YIPF7: variants seen among roughly 807,000 people sequenced by gnomAD.
YIPF7 encodes the protein protein YIPF7.
In YIPF7, 35 loss-of-function variants were observed where a neutral mutation model predicts 27.2. That is an observed-to-expected ratio of 1.29 (90% confidence interval 0.98 to 1.70). The LOEUF (loss-of-function observed/expected upper bound fraction) is 1.70. Ranked by LOEUF, YIPF7 falls within the 40% of genes most tolerant of loss-of-function variation. The pLI is 0.00. For synonymous variants in YIPF7, 137 were observed against 110.4 expected (o/e 1.24, Z -1.51); for missense variants, 358 against 303.7 (o/e 1.18, Z -1.33).
chr4:44,646,656 T>C (rs1166497399), intron 2 of YIPF7, among the ~76,000 whole-genome samples: 1 of 152,202 alleles, frequency 6.6e-6, no homozygotes. Flanking sequence ...GATCCTACTG[T>C]TCATTCTAAA....
chr4:44,634,315 C>T (rs1337909980), intron 3 of YIPF7, among the ~76,000 whole-genome samples: 5 of 152,046 alleles, frequency 3.3e-5, no homozygotes, highest in Non-Finnish European at 7.4e-5. Flanking sequence ...GGTGGATCAC[C>T]CAAAGTCAGG....
intron 2 of YIPF7, among the ~76,000 whole-genome samples, chr4:44,638,394 G>A (rs1433444105): frequency 6.6e-6 from 1 of 151,898 alleles, no homozygotes; most frequent in African/African-American, 2.4e-5. Flanking sequence ...TCAAAAAGTA[G>A]GCTAAGGACA....
chr4:44,650,014 A>C lies in YIPF7; in HGVS notation c.87T>G (p.Asn29Lys). 6.3e-7 allele frequency: 1 copy of C among 1,582,450 alleles called. No individual in the cohort carries two copies. ...DNQEQSGNDSNAYGNLYGSRK... is the reference protein window; with the variant it reads ...DNQEQSGNDSKAYGNLYGSRK... ...TAGATCCATAAAGATTTCCATAGGCATTAGAGTCATTACCACTCTGCTCCT... is the reference window on the plus strand; with the variant it reads ...TAGATCCATAAAGATTTCCATAGGCCTTAGAGTCATTACCACTCTGCTCCT... The change falls in exon 2 of 6, where the codon AAT (asparagine) becomes AAG (lysine). Residue 29 changes from asparagine (N) to lysine (K), a missense_variant. Physicochemically the swap from Asn to Lys is moderately conservative, Grantham distance 94 (BLOSUM62 0). Coordinates refer to ENST00000415895, the MANE Select transcript of YIPF7 (RefSeq NM_182592.3).
At chr4:44,656,516 T>C (rs997254986), upstream of YIPF7, among the ~76,000 whole-genome samples, 4 of 152,002 alleles carry the variant, frequency 2.6e-5, no homozygotes, top group Non-Finnish European at 2.9e-5. Context: ...GTATAAAATA[T>C]GAGGATTAGA....
intron 2 of YIPF7, among the ~76,000 whole-genome samples, chr4:44,639,810 A>G (rs948802215): frequency 2.0e-5 from 3 of 152,138 alleles, no homozygotes; most frequent in Non-Finnish European, 4.4e-5. Flanking sequence ...CACATTCAGC[A>G]TGATGTTATC....
chr4:44,645,082 T>C (rs1472743356), intron 2 of YIPF7, among the ~76,000 whole-genome samples: 2 of 152,200 alleles, frequency 1.3e-5, no homozygotes, highest in Non-Finnish European at 2.9e-5. Context: ...TGTGGGACTA[T>C]GAGCCAATTA....
chr4:44,629,977 C>A (rs2109580309), intron 3 of YIPF7, among the ~76,000 whole-genome samples: 1 of 152,178 alleles, frequency 6.6e-6, no homozygotes, highest in Non-Finnish European at 1.5e-5. Context: ...TTTTCTGTTT[C>A]TTTTTTATTT....
At chr4:44,641,312 A>G (rs138286320) in intron 2 of YIPF7, among the ~76,000 whole-genome samples, 20 of 152,324 alleles carry the variant, frequency 1.3e-4, no homozygotes, top group African/African-American at 4.1e-4. Flanking sequence ...CTAAGTGGAT[A>G]AAACATGCTT....
At chr4:44,638,635 C>G (rs1319336043) in intron 2 of YIPF7, among the ~76,000 whole-genome samples, 1 of 152,158 alleles carries the variant, frequency 6.6e-6, no homozygotes, top group Non-Finnish European at 1.5e-5. Context: ...TATTTTCTCC[C>G]ATTCTACTGG....
Position 44,622,401 on chromosome 4 carries a change from T to A in YIPF7, c.*13A>T, listed in dbSNP as rs190628991. On this transcript the variant is annotated 3_prime_UTR_variant, in exon 6 of 6. Coordinates refer to ENST00000415895, the MANE Select transcript of YIPF7 (RefSeq NM_182592.3). ...CAGCAAACAGAGTCTTGAAATGCCA[T>A]CTCAAACATTCTTTAGAAAATTGTT... 1.8e-5 allele frequency: 29 copies of A among 1,606,950 alleles called. No homozygotes were observed. The African/African-American group carries it at 3.6e-4, about 20-fold the overall frequency.
Position 44,629,494 on chromosome 4 carries a change from G to T in YIPF7, c.335C>A (p.Pro112Gln). 1 of 1,587,690 alleles carries T rather than the reference G, an allele frequency of 6.3e-7. No individual in the cohort carries two copies. Among genetic ancestry groups the T allele is most frequent in the Non-Finnish European group, 8.6e-7 (1 of 1,166,400 alleles). ...IWQKTLTVLN[P>Q]MKPVDGSIMN... Reference sequence around the variant, plus strand: ...AATGCTGCCATCTACTGGCTTCATTGGGTTTAACACTGTCAAAGTTTTTTG... The same window carrying T: ...AATGCTGCCATCTACTGGCTTCATTTGGTTTAACACTGTCAAAGTTTTTTG... Residue 112 changes from proline to glutamine, a missense_variant, in exon 4 of 6, where the codon CCA becomes CAA. By Grantham distance (76) the Pro-to-Gln change is moderately conservative. Coordinates refer to ENST00000415895, the MANE Select transcript of YIPF7 (RefSeq NM_182592.3).
rs375207243 is a variant in YIPF7 at position 44,635,851 on chromosome 4, A to G, written c.280+71T>C. On this transcript the variant is annotated intron_variant, in intron 3 of 5. Coordinates refer to ENST00000415895, the MANE Select transcript of YIPF7 (RefSeq NM_182592.3). ...ACACTGTACACTGCAGGCTGACAGC[A>G]CACATTAAGTGCTAATTATTGCTAT... 99 of 1,524,316 alleles carry G rather than the reference A, an allele frequency of 6.5e-5. No homozygotes were observed. In the African/African-American group the frequency reaches 9.4e-4, roughly 14 times the overall value. The allele number at this position is 1,524,316 out of a possible 1,614,324, so 94.4% of individuals were successfully genotyped here. A position where few individuals can be genotyped will look rare whatever the true frequency, so the allele number is the denominator to read the frequency against.
intron 3 of YIPF7, among the ~76,000 whole-genome samples, chr4:44,629,948 G>C (rs1470981811): frequency 6.6e-6 from 1 of 152,134 alleles, no homozygotes; most frequent in African/African-American, 2.4e-5. Context: ...TGTCCATCTA[G>C]ATATTTCCTT....
intron 3 of YIPF7, among the ~76,000 whole-genome samples, chr4:44,630,500 T>C (rs1024673141): frequency 6.6e-6 from 1 of 152,220 alleles, no homozygotes; most frequent in Non-Finnish European, 1.5e-5. Context: ...ATGCATATTT[T>C]TGTAAGGTCA....
At chr4:44,632,878 C>T (rs922330442) in intron 3 of YIPF7, among the ~76,000 whole-genome samples, 1 of 152,144 alleles carries the variant, frequency 6.6e-6, no homozygotes, top group South Asian at 2.1e-4. Flanking sequence ...TCTTCTAATA[C>T]AGGTGTCCCC....
upstream of YIPF7, among the ~76,000 whole-genome samples, chr4:44,656,118 T>C (rs886749402): frequency 1.3e-5 from 2 of 152,074 alleles, no homozygotes; most frequent in Non-Finnish European, 2.9e-5. Flanking sequence ...TGGCAATATG[T>C]TTTGTTAGCA....
chr4:44,645,508 G>A (rs568490103), intron 2 of YIPF7, among the ~76,000 whole-genome samples: 17 of 152,202 alleles, frequency 1.1e-4, no homozygotes, highest in Middle Eastern at 3.4e-3. Flanking sequence ...AGATGTCAAC[G>A]TTATATATTT....
chr4:44,623,150 T>C (rs910231728), intron 5 of YIPF7, among the ~76,000 whole-genome samples: 2 of 152,240 alleles, frequency 1.3e-5, no homozygotes, highest in Admixed American at 1.3e-4. Flanking sequence ...TGTATATTTT[T>C]AGAATGCTGA....
chr4:44,651,726 G>T, upstream of YIPF7: 1 of 685,550 alleles, frequency 1.5e-6, no homozygotes, highest in Non-Finnish European at 2.3e-6. Context: ...CCTGCCAAAA[G>T]CCAAATACAG....
Sources: gnomAD v4.1 joint callset for allele counts (sites outside exome capture counted in the v4.1 genomes callset) on GRCh38, gnomAD v4.1.1 for gene constraint, MANE v1.5 for transcripts, NCBI Gene and HGNC (gene_info 2026-07-23, HGNC 2026-07-21) for gene names.